The following MAF variants were observed in gnomAD, a reference collection of about 807,000 sequenced individuals.
MAF encodes transcription factor Maf.
In MAF, 10 loss-of-function variants were observed where a neutral mutation model predicts 22.0. The observed-to-expected ratio is 0.45, with a 90% CI of 0.28 to 0.77. MAF has a LOEUF of 0.77. Among genes scored for constraint, MAF ranks in the 30% least tolerant of loss-of-function variants. The pLI, the probability that MAF is intolerant of heterozygous loss-of-function variation, is 0.12. For synonymous variants in MAF, 337 were observed against 255.8 expected, an observed-to-expected ratio of 1.32 and a Z score of -3.03; for missense variants, 544 against 548.4, an observed-to-expected ratio of 0.99 and a Z score of 0.08.
the MAF span, among the ~76,000 whole-genome samples, chr16:79,418,574 G>C: frequency 3.3e-5 from 5 of 152,212 alleles, no homozygotes; most frequent in African/African-American, 1.2e-4. Context: ...AAACAGGATA[G>C]ATGGGGAAGG....
the MAF span, among the ~76,000 whole-genome samples, chr16:79,377,174 C>T: frequency 1.3e-5 from 2 of 152,202 alleles, no homozygotes; most frequent in South Asian, 4.1e-4. Context: ...TCCACATCCT[C>T]TCCAGCACCT....
chr16:79,377,304 T>C, the MAF span, among the ~76,000 whole-genome samples: 11 of 152,254 alleles, frequency 7.2e-5, no homozygotes, highest in Non-Finnish European at 1.3e-4. Context: ...TTCATGTGTC[T>C]TTTGGCTGCA....
chr16:79,372,265 G>A, the MAF span, among the ~76,000 whole-genome samples: 4 of 151,998 alleles, frequency 2.6e-5, no homozygotes, highest in Non-Finnish European at 5.9e-5. Context: ...GGGGGAACTT[G>A]CTCAGAGCAA....
At chr16:79,598,672 G>C (rs1913747269) in intron 1 of MAF, 113 bp downstream of exon 1, 1 of 1,550,882 alleles carries the variant, frequency 6.4e-7, no homozygotes, top group East Asian at 2.4e-5. Flanking sequence ...GGTGGGGGTG[G>C]GGGTGGTGAG....
chr16:79,559,315 C>T, the MAF span, among the ~76,000 whole-genome samples: 4 of 152,190 alleles, frequency 2.6e-5, no homozygotes, highest in African/African-American at 9.7e-5. Context: ...CGATCACCCA[C>T]ATTGCAAGAA....
chr16:79,293,448 CT>C, the MAF span, among the ~76,000 whole-genome samples: 1 of 152,170 alleles, frequency 6.6e-6, no homozygotes, highest in African/African-American at 2.4e-5. Context: ...GTAATATACA[CT>C]TTCTATATGT....
At chr16:79,209,406 G>A in the MAF span, among the ~76,000 whole-genome samples, 1 of 152,174 alleles carries the variant, frequency 6.6e-6, no homozygotes, top group Non-Finnish European at 1.5e-5. Context: ...TCTGCTTTTT[G>A]CTTTCCCAAA....
the MAF span, among the ~76,000 whole-genome samples, chr16:79,328,666 C>G: frequency 6.6e-6 from 1 of 152,128 alleles, no homozygotes; most frequent in Non-Finnish European, 1.5e-5. Flanking sequence ...ATTTGGGAGT[C>G]TTTCATTTGG....
the MAF span, among the ~76,000 whole-genome samples, chr16:79,371,322 T>C: frequency 6.6e-6 from 1 of 152,132 alleles, no homozygotes; most frequent in African/African-American, 2.4e-5. Flanking sequence ...TGGCATAGCA[T>C]CACCTCTGCC....
chr16:79,256,737 T>A, the MAF span, among the ~76,000 whole-genome samples: 1 of 152,202 alleles, frequency 6.6e-6, no homozygotes, highest in Non-Finnish European at 1.5e-5. Flanking sequence ...AACTGTGAGA[T>A]GCATGATGCT....
chr16:79,239,936 G>C, the MAF span, among the ~76,000 whole-genome samples: 1 of 152,018 alleles, frequency 6.6e-6, no homozygotes, highest in Non-Finnish European at 1.5e-5. Flanking sequence ...AGCACAACAC[G>C]AATGTTTTAC....
At chr16:79,440,343 G>C in the MAF span, among the ~76,000 whole-genome samples, 1 of 152,252 alleles carries the variant, frequency 6.6e-6, no homozygotes, top group South Asian at 2.1e-4. Context: ...TACCAGTGTG[G>C]TGCCTAGCGC....
the MAF span, among the ~76,000 whole-genome samples, chr16:79,562,291 G>T: frequency 6.6e-6 from 1 of 152,158 alleles, no homozygotes; most frequent in Non-Finnish European, 1.5e-5. Context: ...GCAGTACAAA[G>T]ACATGGACAA....
the MAF span, among the ~76,000 whole-genome samples, chr16:79,392,011 T>A: frequency 9.4e-6 from 1 of 106,438 alleles, no homozygotes; most frequent in African/African-American, 3.7e-5. Context: ...AGAGACAGAG[T>A]AAGGAAAGAG....
At chr16:79,571,753 C>T in the MAF span, among the ~76,000 whole-genome samples, 7 of 152,128 alleles carry the variant, frequency 4.6e-5, no homozygotes, top group Admixed American at 4.6e-4. Flanking sequence ...TTCTCTTAAC[C>T]CAGTCAAATC....
At chr16:79,351,691 G>A in the MAF span, among the ~76,000 whole-genome samples, 1 of 151,828 alleles carries the variant, frequency 6.6e-6, no homozygotes, top group African/African-American at 2.4e-5. Context: ...TAGTTTCTGG[G>A]GCTTCAGCAA....
chr16:79,494,643 C>A, the MAF span, among the ~76,000 whole-genome samples: 1 of 152,172 alleles, frequency 6.6e-6, no homozygotes, highest in Non-Finnish European at 1.5e-5. Flanking sequence ...AGTACTCACA[C>A]CACACTTCTG....
chr16:79,342,662 A>G, the MAF span, among the ~76,000 whole-genome samples: 1 of 152,188 alleles, frequency 6.6e-6, no homozygotes, highest in Non-Finnish European at 1.5e-5. Flanking sequence ...CACCATCATC[A>G]TAACAAAATT....
the MAF span, among the ~76,000 whole-genome samples, chr16:79,284,885 C>T: frequency 6.6e-6 from 1 of 152,190 alleles, no homozygotes; most frequent in Non-Finnish European, 1.5e-5. Flanking sequence ...TCCAGCCAGA[C>T]TGAAAATCAG....
Sources: gnomAD v4.1 joint callset for allele counts (sites outside exome capture counted in the v4.1 genomes callset) on GRCh38, gnomAD v4.1.1 for gene constraint, MANE v1.5 for transcripts, NCBI Gene and HGNC (gene_info 2026-07-23, HGNC 2026-07-21) for gene names.